The following NT5DC1 variants were observed in gnomAD, a reference collection of about 807,000 sequenced individuals.
NT5DC1 encodes 5'-nucleotidase domain-containing protein 1.
A neutral mutation model predicts 59.4 loss-of-function variants in NT5DC1; 42 were observed. The ratio of observed to expected loss-of-function variants is 0.71; its 90% CI spans 0.55 to 0.92. NT5DC1 has a LOEUF of 0.92. NT5DC1 is among the 40% of genes least tolerant of loss of function. NT5DC1 has a pLI of 0.00. For missense variants in NT5DC1, 501 were observed against 537.1 expected (o/e 0.93, Z 0.66); for synonymous variants, 172 against 188.1 (o/e 0.91, Z 0.70).
intron 4 of NT5DC1, 40 bp downstream of exon 4, chr6:116,110,996 T>G (rs751269619): frequency 1.5e-6 from 2 of 1,351,656 alleles, no homozygotes; most frequent in South Asian, 1.2e-5. Context: ...CCGCTCCCTG[T>G]TTGTTTTGTA....
At chr6:116,110,632 A>C in intron 3 of NT5DC1, 1 of 634,542 alleles carries the variant, frequency 1.6e-6, no homozygotes, top group South Asian at 1.7e-5. Flanking sequence ...AGTATCTCCT[A>C]ATCACCTGCT....
intron 6 of NT5DC1, among the ~76,000 whole-genome samples, chr6:116,127,007 TA>T (rs1255781027): frequency 1.3e-5 from 2 of 152,300 alleles, no homozygotes; most frequent in Admixed American, 1.3e-4. Context: ...TTTAGGATCC[TA>T]AAAAATCTAA....
At chr6:116,153,318 C>T (rs1780097620) in intron 6 of NT5DC1, among the ~76,000 whole-genome samples, 1 of 139,122 alleles carries the variant, frequency 7.2e-6, no homozygotes, top group Non-Finnish European at 1.5e-5. Flanking sequence ...ACACAGACTG[C>T]CCATAAACAT....
chr6:116,102,428 C>G (rs1778679017), intron 1 of NT5DC1, among the ~76,000 whole-genome samples: 1 of 152,156 alleles, frequency 6.6e-6, no homozygotes. Context: ...CTGCTTGATT[C>G]TTTGGCCACT....
At chr6:116,111,195 T>C (rs181431507) in intron 4 of NT5DC1, among the ~76,000 whole-genome samples, 3 of 152,384 alleles carry the variant, frequency 2.0e-5, no homozygotes, top group Non-Finnish European at 4.4e-5. Flanking sequence ...CCTGTACTTG[T>C]TCTGGTTTAA....
chr6:116,130,833 C>G (rs978189680), intron 6 of NT5DC1, among the ~76,000 whole-genome samples: 4 of 151,916 alleles, frequency 2.6e-5, no homozygotes, highest in African/African-American at 9.7e-5. Context: ...CCATGATACT[C>G]ACAATTTCTC....
At chr6:116,206,057 A>G (rs1781443369) in intron 6 of NT5DC1, among the ~76,000 whole-genome samples, 1 of 151,964 alleles carries the variant, frequency 6.6e-6, no homozygotes, top group African/African-American at 2.4e-5. Context: ...CAAAAAGTAG[A>G]ACCACCCTGC....
intron 6 of NT5DC1, among the ~76,000 whole-genome samples, chr6:116,206,584 G>A (rs1482497544): frequency 6.6e-6 from 1 of 151,946 alleles, no homozygotes; most frequent in Non-Finnish European, 1.5e-5. Context: ...AAATGGAATA[G>A]CAACTCTCCT....
chr6:116,173,271 C>T (rs767848708), intron 6 of NT5DC1, among the ~76,000 whole-genome samples: 7 of 152,140 alleles, frequency 4.6e-5, no homozygotes, highest in African/African-American at 9.7e-5. Flanking sequence ...AGCTGCTCCA[C>T]GTTTTATTTT....
At position 116,238,424 on chromosome 6, in the gene NT5DC1, G is replaced by C. The variant is rs142756202; in HGVS notation, c.1083+76G>C. ...AAGCTAAAGTATCTTTATACTACTT[G>C]ACTCCAAAATTGTCCTGGTCAGGCT... On this transcript the variant is annotated intron_variant, in intron 10 of 11. Coordinates refer to ENST00000319550, the MANE Select transcript of NT5DC1 (RefSeq NM_152729.3). 8 of 870,626 alleles carry C rather than the reference G, an allele frequency of 9.2e-6. No individual in the cohort carries two copies. In the East Asian group the frequency reaches 2.8e-4, roughly 30 times the overall value. The allele number at this position is 870,626 out of a possible 1,614,324, so 53.9% of individuals were successfully genotyped here. A position where few individuals can be genotyped will look rare whatever the true frequency, so the allele number is the denominator to read the frequency against.
intron 6 of NT5DC1, among the ~76,000 whole-genome samples, chr6:116,217,050 C>G (rs1781700163): frequency 6.6e-6 from 1 of 152,048 alleles, no homozygotes; most frequent in Admixed American, 6.6e-5. Flanking sequence ...AAAATTCTGG[C>G]CAAAAATCAT....
intron 5 of NT5DC1, among the ~76,000 whole-genome samples, chr6:116,117,441 G>C (rs1405083710): frequency 1.3e-5 from 2 of 152,078 alleles, no homozygotes; most frequent in Non-Finnish European, 2.9e-5. Flanking sequence ...CCTAACTTAT[G>C]ATGGGGTTTT....
intron 6 of NT5DC1, among the ~76,000 whole-genome samples, chr6:116,179,845 T>G (rs1354857603): frequency 6.6e-6 from 1 of 152,098 alleles, no homozygotes; most frequent in Non-Finnish European, 1.5e-5. Flanking sequence ...ATATACATAA[T>G]GCTCCAAAGA....
Position 116,239,077 on chromosome 6 carries a change from C to CTTACTTGTAAT in NT5DC1, c.1206_1207insTTACTTGTAAT (p.Ser403LeufsTer54). On this transcript the variant is annotated frameshift_variant, in exon 11 of 12. Coordinates refer to ENST00000319550, the MANE Select transcript of NT5DC1 (RefSeq NM_152729.3). LOFTEE classifies it high-confidence loss of function. Reference sequence around the variant, plus strand: ...TTTATACATGGTCTTGTAAGAGAATCAGTACTTACAGCACTATTGCAATTC... The same window carrying CTTACTTGTAAT: ...TTTATACATGGTCTTGTAAGAGAATCTTACTTGTAATAGTACTTACAGCACTATTGCAATTC... The CTTACTTGTAAT allele has an allele frequency of 6.2e-7, 1 of 1,611,364 alleles. No homozygotes were observed. Among genetic ancestry groups the CTTACTTGTAAT allele is most frequent in the East Asian group, 2.2e-5 (1 of 44,806 alleles).
intron 8 of NT5DC1, among the ~76,000 whole-genome samples, chr6:116,227,527 T>C (rs1302694748): frequency 6.6e-6 from 1 of 152,174 alleles, no homozygotes; most frequent in Non-Finnish European, 1.5e-5. Flanking sequence ...TTTAATTATT[T>C]TGAAGAACCT....
intron 8 of NT5DC1, among the ~76,000 whole-genome samples, chr6:116,226,227 T>C (rs1489354922): frequency 6.6e-6 from 1 of 152,176 alleles, no homozygotes; most frequent in Non-Finnish European, 1.5e-5. Flanking sequence ...CATTTAAATA[T>C]ATAAGTAAGT....
At chr6:116,241,557 T>C (rs923889092) in intron 11 of NT5DC1, among the ~76,000 whole-genome samples, 1 of 152,224 alleles carries the variant, frequency 6.6e-6, no homozygotes, top group Non-Finnish European at 1.5e-5. Flanking sequence ...TGTGATGATA[T>C]ACATATACCA....
chr6:116,120,385 G>A, intron 6 of NT5DC1: 2 of 1,614,242 alleles, frequency 1.2e-6, no homozygotes, highest in Non-Finnish European at 8.5e-7. Flanking sequence ...GCTGTTGCCT[G>A]TTATACAAAA....
intron 5 of NT5DC1, among the ~76,000 whole-genome samples, chr6:116,116,954 T>C (rs1264155840): frequency 6.6e-6 from 1 of 152,226 alleles, no homozygotes; most frequent in Non-Finnish European, 1.5e-5. Context: ...TATATTTTAA[T>C]GTAATGTTTA....
Sources: gnomAD v4.1 joint callset for allele counts (sites outside exome capture counted in the v4.1 genomes callset) on GRCh38, gnomAD v4.1.1 for gene constraint, MANE v1.5 for transcripts, NCBI Gene and HGNC (gene_info 2026-07-23, HGNC 2026-07-21) for gene names.